Variants in PRDM11 observed in about 807,000 individuals in gnomAD.
PRDM11 encodes the protein PR domain-containing protein 11.
Under a neutral mutation model 97.8 loss-of-function variants are expected in PRDM11, and 20 were observed. That is an observed-to-expected ratio of 0.20 (90% CI 0.14 to 0.30). The LOEUF (loss-of-function observed/expected upper bound fraction) is 0.30, where lower values mean the gene tolerates loss of function less well. Among genes scored for constraint, PRDM11 ranks in the 10% least tolerant of loss-of-function variants. The probability of loss-of-function intolerance (pLI) is 1.00; values close to 1 mark genes in which losing one functional copy is unlikely to be tolerated. For missense variants in PRDM11, 1,139 were observed against 1,555.2 expected (o/e 0.73, Z 4.50); for synonymous variants, 599 against 637.7 (o/e 0.94, Z 0.91).
chr11:45,233,671 T>A lies in PRDM11; in HGVS notation c.*5512T>A, dbSNP rs1854444643. ...TGAAGTGCAGCCGTCCTGGCCTCCC[T>A]CACTTGCTCAACCACTGTCAGGAGG... On this transcript the variant is annotated 3_prime_UTR_variant, in exon 8 of 8. Coordinates refer to ENST00000683152, the MANE Select transcript of PRDM11 (RefSeq NM_001384648.1). 6.6e-6 allele frequency: 1 copy of A among 152,312 alleles called. No individual in the cohort carries two copies. The highest frequency in any genetic ancestry group is 1.5e-5 in the Non-Finnish European group (1 of 68,134). 9.4% of individuals were successfully genotyped at this position (152,312 alleles called of 1,614,324 possible).
At chr11:45,150,992 C>A (rs1565266991) in intron 1 of PRDM11, among the ~76,000 whole-genome samples, 1 of 152,318 alleles carries the variant, frequency 6.6e-6, no homozygotes, top group Non-Finnish European at 1.5e-5. Flanking sequence ...AGAACCCTGG[C>A]AGTCTGAGGC....
At chr11:45,179,999 C>A (rs1156677247) in intron 1 of PRDM11, among the ~76,000 whole-genome samples, 2 of 152,226 alleles carry the variant, frequency 1.3e-5, no homozygotes, top group African/African-American at 2.4e-5. Flanking sequence ...TGAGCTGGGA[C>A]CTGAACCCAC....
At chr11:45,095,967 TG>T in intron 1 of PRDM11, 1 of 746,680 alleles carries the variant, frequency 1.3e-6, no homozygotes. Context: ...TACCTCTCCC[TG>T]GAATACTCTT....
intron 4 of PRDM11, among the ~76,000 whole-genome samples, chr11:45,189,640 A>G (rs1423662374): frequency 6.6e-6 from 1 of 152,252 alleles, no homozygotes; most frequent in Non-Finnish European, 1.5e-5. Flanking sequence ...GGGGAGAAGC[A>G]GATATGAAAT....
At chr11:45,179,202 C>G (rs1852406173) in intron 1 of PRDM11, among the ~76,000 whole-genome samples, 1 of 152,102 alleles carries the variant, frequency 6.6e-6, no homozygotes, top group Non-Finnish European at 1.5e-5. Flanking sequence ...TCCAATAAAG[C>G]GTCAGAGTTT....
At chr11:45,098,212 TG>T (rs1273956058) in intron 1 of PRDM11, among the ~76,000 whole-genome samples, 1 of 152,200 alleles carries the variant, frequency 6.6e-6, no homozygotes, top group African/African-American at 2.4e-5. Context: ...ACTTATCATC[TG>T]GGGCCAGGAA....
chr11:45,206,608 C>A (rs1853521112), intron 5 of PRDM11, among the ~76,000 whole-genome samples: 1 of 152,214 alleles, frequency 6.6e-6, no homozygotes, highest in Non-Finnish European at 1.5e-5. Context: ...CCCCTGGGGA[C>A]AAGGCCTTCT....
At chr11:45,135,915 G>A in intron 1 of PRDM11, among the ~76,000 whole-genome samples, 1 of 152,246 alleles carries the variant, frequency 6.6e-6, no homozygotes, top group Non-Finnish European at 1.5e-5. Flanking sequence ...AACAAGGGAA[G>A]TATGAGAAAC....
intron 1 of PRDM11, among the ~76,000 whole-genome samples, chr11:45,126,040 T>G (rs575307374): frequency 3.7e-4 from 57 of 152,336 alleles, no homozygotes; most frequent in Admixed American, 1.6e-3. Flanking sequence ...TGGGTGCATA[T>G]ATATTTAGGA....
chr11:45,099,538 G>A (rs889108303), intron 1 of PRDM11, among the ~76,000 whole-genome samples: 2 of 148,410 alleles, frequency 1.3e-5, no homozygotes, highest in African/African-American at 2.6e-5. Flanking sequence ...GGAAGCACCT[G>A]CCTTACACTG....
At chr11:45,110,705 G>A (rs890316904) in intron 1 of PRDM11, among the ~76,000 whole-genome samples, 1 of 152,214 alleles carries the variant, frequency 6.6e-6, no homozygotes, top group Non-Finnish European at 1.5e-5. Context: ...TATACAGGTT[G>A]TGCAGGACAT....
chr11:45,145,734 G>A (rs536640787), upstream of PRDM11, among the ~76,000 whole-genome samples: 7 of 152,304 alleles, frequency 4.6e-5, no homozygotes, highest in African/African-American at 1.7e-4. Context: ...TTGGGGAATG[G>A]TTGTCCTGGT....
At chr11:45,110,250 C>T (rs1397008773) in intron 1 of PRDM11, among the ~76,000 whole-genome samples, 2 of 152,092 alleles carry the variant, frequency 1.3e-5, no homozygotes, top group African/African-American at 4.8e-5. Flanking sequence ...CTTATGCAGA[C>T]CCAAGAAGTG....
chr11:45,119,837 GCAGTGACAGTGA>G (rs920727594), intron 1 of PRDM11, among the ~76,000 whole-genome samples: 2 of 152,028 alleles, frequency 1.3e-5, no homozygotes, highest in Non-Finnish European at 2.9e-5. Flanking sequence ...GCAGCATCTG[GCAGTGACAGTGA>G]CAGTGACAAA....
At chr11:45,154,547 C>T (rs920631947) in intron 1 of PRDM11, among the ~76,000 whole-genome samples, 1 of 152,090 alleles carries the variant, frequency 6.6e-6, no homozygotes, top group African/African-American at 2.4e-5. Context: ...CCATCCTGCT[C>T]CCAAGCAGCA....
At chr11:45,130,948 G>A (rs895632974) in intron 1 of PRDM11, among the ~76,000 whole-genome samples, 3 of 152,142 alleles carry the variant, frequency 2.0e-5, no homozygotes, top group African/African-American at 7.2e-5. Context: ...AAAAAAGCAT[G>A]TATGAAACTT....
At chr11:45,153,880 C>T (rs906738067) in intron 1 of PRDM11, among the ~76,000 whole-genome samples, 23 of 152,150 alleles carry the variant, frequency 1.5e-4, no homozygotes, top group African/African-American at 4.8e-5. Context: ...AGGTTACTCC[C>T]GCATCCACAT....
chr11:45,183,087 C>T lies in PRDM11; in HGVS notation c.450C>T (p.Ser150=), dbSNP rs1237102505. 6.2e-7 allele frequency: 1 copy of T among 1,613,912 alleles called. No homozygotes were observed. Among genetic ancestry groups the T allele is most frequent in the Non-Finnish European group, 8.5e-7 (1 of 1,179,950 alleles). ...TCGGCCCCTATGAGGGGCAGATCTC[C>T]ACCCAGGACAAATCAGCTGGCTTCT... ...HIFGPYEGQI[S]TQDKSAGFFS... Residue 150 remains serine (S), a synonymous_variant, in exon 4 of 8, where the codon TCC becomes TCT. Coordinates refer to ENST00000683152, the MANE Select transcript of PRDM11 (RefSeq NM_001384648.1).
intron 6 of PRDM11, among the ~76,000 whole-genome samples, chr11:45,220,219 T>C (rs1452897884): frequency 6.6e-6 from 1 of 152,230 alleles, no homozygotes; most frequent in Non-Finnish European, 1.5e-5. Flanking sequence ...TGGGAACCCC[T>C]GTGGTTAAAA....
Sources: gnomAD v4.1 joint callset for allele counts (sites outside exome capture counted in the v4.1 genomes callset) on GRCh38, gnomAD v4.1.1 for gene constraint, MANE v1.5 for transcripts, NCBI Gene and HGNC (gene_info 2026-07-23, HGNC 2026-07-21) for gene names.